DPP10: variants seen among roughly 807,000 people sequenced by gnomAD.
DPP10 encodes the protein dipeptidyl peptidase like 10.
In DPP10, 33 loss-of-function variants were observed where a neutral mutation model predicts 120.9. That is an observed-to-expected ratio of 0.27 (90% CI 0.21 to 0.37). The LOEUF (loss-of-function observed/expected upper bound fraction) is 0.37, where lower values mean the gene tolerates loss of function less well. DPP10 is among the 10% of genes least tolerant of loss of function. The pLI, the probability that DPP10 is intolerant of heterozygous loss-of-function variation, is 1.00. For missense variants in DPP10, 816 were observed against 942.8 expected (o/e 0.87, Z 1.76); for synonymous variants, 337 against 326.1 (o/e 1.03, Z -0.36).
chr2:114,795,270 G>A (rs1382092889), intron 1 of DPP10, among the ~76,000 whole-genome samples: 1 of 151,986 alleles, frequency 6.6e-6, no homozygotes, highest in African/African-American at 2.4e-5. Flanking sequence ...GGAGGCTGAG[G>A]TGGAGAGTTT....
At chr2:114,785,008 A>AT (rs1682647160) in intron 1 of DPP10, among the ~76,000 whole-genome samples, 1 of 151,924 alleles carries the variant, frequency 6.6e-6, no homozygotes, top group African/African-American at 2.4e-5. Context: ...TGCTCCATTT[A>AT]TTTTGCCTTG....
intron 11 of DPP10, among the ~76,000 whole-genome samples, chr2:115,760,331 A>G (rs1679961878): frequency 6.6e-6 from 1 of 152,200 alleles, no homozygotes; most frequent in Non-Finnish European, 1.5e-5. Flanking sequence ...CATAATAGGT[A>G]TGTAATGCAT....
intron 21 of DPP10, among the ~76,000 whole-genome samples, chr2:115,829,348 G>A (rs1688691345): frequency 6.6e-6 from 1 of 151,938 alleles, no homozygotes; most frequent in Admixed American, 6.6e-5. Flanking sequence ...ATTCATTTCA[G>A]GGTTTATTTC....
At chr2:114,869,434 A>G (rs142854279) in intron 1 of DPP10, among the ~76,000 whole-genome samples, 1 of 152,286 alleles carries the variant, frequency 6.6e-6, no homozygotes, top group African/African-American at 2.4e-5. Flanking sequence ...GATAGGCAGC[A>G]AGAGACAGCA....
intron 5 of DPP10, among the ~76,000 whole-genome samples, chr2:115,667,362 T>G (rs1170438351): frequency 6.6e-6 from 1 of 152,166 alleles, no homozygotes; most frequent in Non-Finnish European, 1.5e-5. Context: ...TAAATCTCAC[T>G]TGTCAATTTT....
chr2:115,679,892 A>G (rs962364190), intron 5 of DPP10, among the ~76,000 whole-genome samples: 8 of 150,622 alleles, frequency 5.3e-5, no homozygotes, highest in Non-Finnish European at 1.2e-4. Context: ...ATATAAAATT[A>G]TAGCTAGAAA....
In DPP10 at chr2:114,699,890, A is replaced by G. The variant is rs547235211; in HGVS notation, c.60+257052A>G. The stretch of plus-strand genomic sequence containing the variant: ...GAGTATGTGTCTATTTTTGTAATCT[A>G]TTAGTTACGATACTCTTAGATACAA... On this transcript the variant is annotated intron_variant, in intron 1 of 25. Coordinates refer to ENST00000410059, the MANE Select transcript of DPP10 (RefSeq NM_020868.6). Among the ~76,000 whole-genome samples, 4 of 152,070 alleles carry G rather than the reference A, an allele frequency of 2.6e-5. No individual in the cohort carries two copies. In the East Asian group the frequency reaches 7.7e-4, roughly 29 times the overall value.
intron 1 of DPP10, among the ~76,000 whole-genome samples, chr2:114,453,118 G>A (rs1024016924): frequency 2.6e-5 from 4 of 151,980 alleles, no homozygotes; most frequent in African/African-American, 7.3e-5. Flanking sequence ...TGGTTTGAAG[G>A]TAGAAAACCA....
intron 1 of DPP10, among the ~76,000 whole-genome samples, chr2:114,797,457 A>G (rs1473453690): frequency 1.3e-5 from 2 of 152,214 alleles, no homozygotes; most frequent in Non-Finnish European, 2.9e-5. Flanking sequence ...AATGACAGTC[A>G]GCATTACCAG....
chr2:114,780,616 A>G (rs1013624333), intron 1 of DPP10, among the ~76,000 whole-genome samples: 6 of 152,054 alleles, frequency 3.9e-5, no homozygotes, highest in East Asian at 1.9e-4. Context: ...TTACAACTGC[A>G]TTTATGTAGA....
At chr2:115,412,344 T>G (rs1369360199) in intron 3 of DPP10, among the ~76,000 whole-genome samples, 1 of 152,190 alleles carries the variant, frequency 6.6e-6, no homozygotes, top group East Asian at 1.9e-4. Flanking sequence ...TGATATAATA[T>G]TTATATAACT....
chr2:115,750,209 T>C (rs1678527168), intron 10 of DPP10: 2 of 985,264 alleles, frequency 2.0e-6, no homozygotes, highest in Non-Finnish European at 2.4e-6. Flanking sequence ...GGTGCTTCCC[T>C]ACTCCCTCAT....
In DPP10 at chr2:114,942,402, C is replaced by CATATATATATATAT. The variant is rs61579596; in HGVS notation, c.61-366830_61-366817dup. On this transcript the variant is annotated intron_variant, in intron 1 of 25. Transcript: ENST00000410059. ...ACATATATATATATACACACACACA[C>CATATATATATATAT]ATATATATATATATATATATGATAT... is the stretch of plus-strand genomic sequence containing the variant. Among the ~76,000 whole-genome samples, 252 of 127,794 alleles carry CATATATATATATAT rather than the reference C, an allele frequency of 2.0e-3. 1 individual carries two copies. Among genetic ancestry groups the CATATATATATATAT allele is most frequent in the Middle Eastern group, 7.8e-3 (2 of 256 alleles). The allele number at this position is 127,794 out of a possible 152,430, so 83.8% of individuals were successfully genotyped here. A position where few individuals can be genotyped will look rare whatever the true frequency, so the allele number is the denominator to read the frequency against.
At chr2:115,423,089 T>A (rs940354029) in intron 3 of DPP10, among the ~76,000 whole-genome samples, 11 of 152,046 alleles carry the variant, frequency 7.2e-5, no homozygotes, top group Admixed American at 5.9e-4. Context: ...TAATGTGATA[T>A]AAACATTTAA....
At chr2:114,611,156 C>T (rs1185116736) in intron 1 of DPP10, among the ~76,000 whole-genome samples, 3 of 151,966 alleles carry the variant, frequency 2.0e-5, no homozygotes, top group African/African-American at 4.8e-5. Context: ...GGTTCAGGCA[C>T]CAAGCAGAAA....
chr2:115,004,238 G>A (rs572263047), intron 1 of DPP10, among the ~76,000 whole-genome samples: 5 of 152,276 alleles, frequency 3.3e-5, no homozygotes, highest in South Asian at 2.1e-4. Context: ...GAAATAAGAC[G>A]TGGTGTTTGA....
At chr2:114,758,807 G>C (rs1400601109) in intron 1 of DPP10, among the ~76,000 whole-genome samples, 1 of 152,122 alleles carries the variant, frequency 6.6e-6, no homozygotes, top group Admixed American at 6.5e-5. Flanking sequence ...TCTGCACTTA[G>C]TTTGTCAGAA....
At chr2:115,151,882 G>C (rs2104903380) in intron 1 of DPP10, among the ~76,000 whole-genome samples, 1 of 150,874 alleles carries the variant, frequency 6.6e-6, no homozygotes, top group Non-Finnish European at 1.5e-5. Context: ...TTCTCAACTT[G>C]ATTTCCTTTA....
intron 1 of DPP10, among the ~76,000 whole-genome samples, chr2:114,897,131 G>A (rs1484352069): frequency 2.6e-5 from 4 of 152,170 alleles, no homozygotes; most frequent in Non-Finnish European, 4.4e-5. Flanking sequence ...TGCTGAATTC[G>A]GTTTGCCAGT....
Sources: gnomAD v4.1 joint callset for allele counts (sites outside exome capture counted in the v4.1 genomes callset) on GRCh38, gnomAD v4.1.1 for gene constraint, MANE v1.5 for transcripts, NCBI Gene and HGNC (gene_info 2026-07-23, HGNC 2026-07-21) for gene names.